The following ZSCAN5A variants were observed in gnomAD, a reference collection of about 807,000 sequenced individuals.
The protein encoded by ZSCAN5A is zinc finger and SCAN domain-containing protein 5A.
ZSCAN5A carries 12 observed loss-of-function variants against 23.7 expected under a neutral mutation model. The observed-to-expected ratio is 0.51, with a 90% CI of 0.32 to 0.82. ZSCAN5A has a LOEUF of 0.82. Among genes scored for constraint, ZSCAN5A ranks in the 40% least tolerant of loss-of-function variants. The pLI is 0.03. For missense variants in ZSCAN5A, 597 were observed against 617.9 expected (o/e 0.97, Z 0.36); for synonymous variants, 257 against 239.9 (o/e 1.07, Z -0.66).
chr19:56,364,547 G>T (rs2041753365), intron 1 of ZSCAN5A, among the ~76,000 whole-genome samples: 1 of 152,164 alleles, frequency 6.6e-6, no homozygotes, highest in Non-Finnish European at 1.5e-5. Context: ...AAAACTGACA[G>T]TTTTTTAAAA....
At chr19:56,360,706 TA>T (rs973371031) in intron 2 of ZSCAN5A, among the ~76,000 whole-genome samples, 25 of 148,866 alleles carry the variant, frequency 1.7e-4, no homozygotes, top group Admixed American at 3.4e-4. Flanking sequence ...GACTTATATG[TA>T]AAAAAAAAAT....
At chr19:56,262,491 G>C (rs1334776755) in intron 2 of ZSCAN5A, among the ~76,000 whole-genome samples, 1 of 149,232 alleles carries the variant, frequency 6.7e-6, no homozygotes, top group Admixed American at 6.7e-5. Context: ...GCATGATCTT[G>C]GCTCACTGCA....
chr19:56,348,724 A>G (rs1482164999), intron 2 of ZSCAN5A, among the ~76,000 whole-genome samples: 1 of 152,238 alleles, frequency 6.6e-6, no homozygotes, highest in African/African-American at 2.4e-5. Flanking sequence ...TCACCAGGAA[A>G]TTAGCAGGTT....
intron 2 of ZSCAN5A, among the ~76,000 whole-genome samples, chr19:56,246,075 C>G (rs924263979): frequency 2.6e-5 from 4 of 152,058 alleles, no homozygotes; most frequent in Non-Finnish European, 5.9e-5. Context: ...GAGAACCAAA[C>G]AGTGAAAACC....
chr19:56,243,804 C>T (rs187327100), intron 2 of ZSCAN5A, among the ~76,000 whole-genome samples: 105 of 152,116 alleles, frequency 6.9e-4, no homozygotes, highest in African/African-American at 2.4e-3. Flanking sequence ...GGTTGATTTC[C>T]ACTGTGCTGA....
intron 2 of ZSCAN5A, among the ~76,000 whole-genome samples, chr19:56,327,836 T>C (rs1568753837): frequency 6.6e-6 from 1 of 152,054 alleles, no homozygotes; most frequent in Non-Finnish European, 1.5e-5. Flanking sequence ...TATGCATAGT[T>C]GTGTGTTATA....
intron 2 of ZSCAN5A, among the ~76,000 whole-genome samples, chr19:56,310,792 T>C (rs2040990840): frequency 6.6e-6 from 1 of 152,240 alleles, no homozygotes; most frequent in Non-Finnish European, 1.5e-5. Context: ...GGAGGTTCCT[T>C]GTCCTGGTTG....
At chr19:56,288,537 C>A (rs2039293598) in intron 2 of ZSCAN5A, among the ~76,000 whole-genome samples, 1 of 152,212 alleles carries the variant, frequency 6.6e-6, no homozygotes, top group South Asian at 2.1e-4. Flanking sequence ...CTTTTGCTGT[C>A]TGCTTCTCTC....
chr19:56,319,003 A>C (rs2041346122), upstream of ZSCAN5A, among the ~76,000 whole-genome samples: 1 of 152,168 alleles, frequency 6.6e-6, no homozygotes, highest in African/African-American at 2.4e-5. Context: ...CTCCCCTTAA[A>C]GGCTCTTGAA....
intron 2 of ZSCAN5A, among the ~76,000 whole-genome samples, chr19:56,278,325 G>C (rs904707491): frequency 1.3e-5 from 2 of 152,154 alleles, no homozygotes; most frequent in Non-Finnish European, 2.9e-5. Flanking sequence ...GGAGAGACAA[G>C]GTTTCACCAT....
intron 2 of ZSCAN5A, chr19:56,285,025 G>C: frequency 2.0e-6 from 2 of 985,274 alleles, no homozygotes; most frequent in African/African-American, 1.7e-5. Flanking sequence ...TCACCGGATG[G>C]TAAGTGTCAG....
chr19:56,221,537 T>C lies in ZSCAN5A; in HGVS notation c.*38A>G, dbSNP rs1249762511. On this transcript the variant is annotated 3_prime_UTR_variant, in exon 6 of 6. Transcript: ENST00000683990. ...AACATTGATGAAAAATATCATTCAC[T>C]TCTTCTTGGTGCAGAAGGCATAGAC... 12 of 1,531,356 alleles carry C rather than the reference T, an allele frequency of 7.8e-6. No individual in the cohort carries two copies. Among genetic ancestry groups the C allele is most frequent in the Non-Finnish European group, 1.1e-5 (12 of 1,142,416 alleles). The allele number at this position is 1,531,356 out of a possible 1,614,324, so 94.9% of individuals were successfully genotyped here.
At chr19:56,240,860 C>A (rs1051481027) in intron 2 of ZSCAN5A, among the ~76,000 whole-genome samples, 1 of 152,078 alleles carries the variant, frequency 6.6e-6, no homozygotes, top group Non-Finnish European at 1.5e-5. Flanking sequence ...CACCTACCTG[C>A]CAACAGGCCC....
At chr19:56,341,524 G>A (rs2041591679) in intron 2 of ZSCAN5A, among the ~76,000 whole-genome samples, 1 of 151,964 alleles carries the variant, frequency 6.6e-6, no homozygotes, top group South Asian at 2.1e-4. Context: ...TTAAAATTTA[G>A]TAGGGCTTGG....
intron 2 of ZSCAN5A, chr19:56,266,493 C>CCTTTTTTTTTTTTTTTT (rs371491455): frequency 5.2e-5 from 3 of 58,002 alleles, no homozygotes. Flanking sequence ...GATGCCCCCA[C>CCTTTTTTTTTTTTTTTT]TTTTTTTTTT....
chr19:56,346,884 T>C (rs971869275), intron 2 of ZSCAN5A, among the ~76,000 whole-genome samples: 2 of 152,054 alleles, frequency 1.3e-5, no homozygotes, highest in African/African-American at 4.8e-5. Context: ...CCTGCTACCA[T>C]GCCCGGCCAA....
At chr19:56,288,262 C>G (rs577841572) in intron 2 of ZSCAN5A, among the ~76,000 whole-genome samples, 1 of 152,186 alleles carries the variant, frequency 6.6e-6, no homozygotes, top group African/African-American at 2.4e-5. Context: ...CTCCTTCAAG[C>G]CCCCGGCAGC....
At chr19:56,349,320 A>T (rs1373447766) in intron 2 of ZSCAN5A, among the ~76,000 whole-genome samples, 1 of 152,152 alleles carries the variant, frequency 6.6e-6, no homozygotes, top group Non-Finnish European at 1.5e-5. Flanking sequence ...TTGTGAATAC[A>T]TCACGATCAA....
At chr19:56,222,835 T>G (rs1005886722) in intron 4 of ZSCAN5A, 94 bp from the exon 5 acceptor site, 126 of 1,561,182 alleles carry the variant, frequency 8.1e-5, no homozygotes, top group Non-Finnish European at 1.0e-4. Flanking sequence ...CAACAACTCT[T>G]CTAATGACAC....
Sources: allele counts gnomAD v4.1 joint callset (sites outside exome capture counted in the v4.1 genomes callset), GRCh38; gene constraint gnomAD v4.1.1; transcripts MANE v1.5; gene names NCBI Gene and HGNC (gene_info 2026-07-23, HGNC 2026-07-21).